TAF1: variants seen among roughly 807,000 people sequenced by gnomAD.
TAF1 encodes TATA-box binding protein associated factor 1.
In TAF1, 2 loss-of-function variants were observed where a neutral mutation model predicts 138.5. The ratio of observed to expected loss-of-function variants is 0.01; its 90% confidence interval spans 0.01 to 0.05. The LOEUF (loss-of-function observed/expected upper bound fraction) is 0.05. Among genes scored for constraint, TAF1 ranks in the 10% least tolerant of loss-of-function variants. The pLI is 1.00. For synonymous variants in TAF1, 437 were observed against 503.2 expected, an observed-to-expected ratio of 0.87 and a Z score of 1.76; for missense variants, 709 against 1,478.0, an observed-to-expected ratio of 0.48 and a Z score of 8.53.
At chrX:71,504,346 T>C (rs1174959678) in intron 13 of TAF1, among the ~76,000 whole-genome samples, 3 of 110,392 alleles carry the variant, frequency 2.7e-5, no homozygotes, top group African/African-American at 9.9e-5. Context: ...ATTTCATTGA[T>C]AAGACAAGCA....
At chrX:71,396,148 CAA>C (rs1224922684) in intron 22 of TAF1, among the ~76,000 whole-genome samples, 2 of 78,189 alleles carry the variant, frequency 2.6e-5, no homozygotes. Context: ...AACTCCGTCT[CAA>C]AAAAAAAAAA....
chrX:71,436,721 T>G (rs948032496), intron 32 of TAF1, among the ~76,000 whole-genome samples: 2 of 111,855 alleles, frequency 1.8e-5, no homozygotes, highest in Non-Finnish European at 3.8e-5. Context: ...TTCTGCTTCA[T>G]TGATCTATTT....
rs191976638 is a variant in TAF1 at position 71,501,342 on chromosome X, C to T, written c.1367-27200C>T. 3.0e-3 allele frequency among the ~76,000 whole-genome samples: 330 copies of T among 109,570 alleles called. 2 individuals are homozygous for T. The highest frequency in any genetic ancestry group is 4.9e-3 in the Non-Finnish European group (257 of 52,620). On this transcript the variant is annotated intron_variant and NMD_transcript_variant, in intron 13 of 14. Coordinates refer to the TAF1 transcript ENST00000373775. ...AATATGTCTTTCTGATTGCTGAGCC[C>T]GGGTGCCTAAAGAAGGGAACAGAGT...
chrX:71,503,006 C>T (rs370597436), intron 13 of TAF1, among the ~76,000 whole-genome samples: 1 of 107,185 alleles, frequency 9.3e-6, no homozygotes, highest in Non-Finnish European at 1.9e-5. Flanking sequence ...GGCGCTGTGA[C>T]ACACCTGTAA....
At chrX:71,469,152 A>C (rs2147480001), downstream of TAF1, among the ~76,000 whole-genome samples, 1 of 111,516 alleles carries the variant, frequency 9.0e-6, no homozygotes, top group East Asian at 2.8e-4. Flanking sequence ...AAATAAAAAA[A>C]CAATTAGCTG....
intron 3 of TAF1, among the ~76,000 whole-genome samples, chrX:71,370,995 G>A (rs970254331): frequency 1.8e-5 from 2 of 111,636 alleles, no homozygotes; most frequent in African/African-American, 6.5e-5. Context: ...AGTTTTGATG[G>A]GCTGCAAGAA....
At chrX:71,527,127 T>C in intron 13 of TAF1, among the ~76,000 whole-genome samples, 1 of 109,838 alleles carries the variant, frequency 9.1e-6, no homozygotes, top group South Asian at 3.9e-4. Context: ...GGCTCACACC[T>C]GTAATCCCAG....
intron 13 of TAF1, among the ~76,000 whole-genome samples, chrX:71,513,261 G>A (rs921216473): frequency 1.8e-5 from 2 of 111,670 alleles, no homozygotes; most frequent in Admixed American, 1.9e-4. Flanking sequence ...AATTCATGGA[G>A]CAGTCTGCTG....
At position 71,499,427 on chromosome X, in the gene TAF1, C is replaced by T. The variant is rs1464634323; in HGVS notation, c.1367-29115C>T. ...TTTTGGAGCTTTCTCCTGATATCTGCAGCTGATTGGGTAATAAACTTATCT... is the reference window on the plus strand; with the variant it reads ...TTTTGGAGCTTTCTCCTGATATCTGTAGCTGATTGGGTAATAAACTTATCT... On this transcript the variant is annotated intron_variant and NMD_transcript_variant, in intron 13 of 14. Transcript: ENST00000373775. Among the ~76,000 whole-genome samples, 3 of 112,393 alleles carry T rather than the reference C, an allele frequency of 2.7e-5. No homozygotes were observed. The South Asian group carries it at 1.1e-3, about 41-fold the overall frequency.
chrX:71,464,069 T>A lies in TAF1; in HGVS notation c.*23T>A. 1.7e-6 allele frequency: 2 copies of A among 1,162,348 alleles called. No homozygotes were observed. Among genetic ancestry groups the A allele is most frequent in the Non-Finnish European group, 2.3e-6 (2 of 865,689 alleles). On this transcript the variant is annotated 3_prime_UTR_variant, in exon 38 of 38. Transcript: ENST00000423759. Reference sequence around the variant, plus strand: ...TGAGGCTTCCTTTGGGCCTCCTTGGTCAGCCTTCCCTGTTCTCCAGCCTAG... The same window carrying A: ...TGAGGCTTCCTTTGGGCCTCCTTGGACAGCCTTCCCTGTTCTCCAGCCTAG...
intron 30 of TAF1, 143 bp downstream of exon 30, chrX:71,423,382 T>C: frequency 1.1e-6 from 1 of 901,825 alleles, no homozygotes; most frequent in African/African-American, 2.0e-5. Flanking sequence ...AATATTGACC[T>C]TTTTGCTATA....
rs2033906193 is a variant in TAF1, at chrX:71,381,780, C to T, written c.1398C>T (p.Tyr466=). The part of the protein sequence containing the change: ...AATLDDDKPW[Y]SIFPIDNEDL... Reference sequence around the variant, plus strand: ...CTCTTGATGATGACAAACCTTGGTACTCCATTTTTCCCATTGACAATGAGG... The same window carrying T: ...CTCTTGATGATGACAAACCTTGGTATTCCATTTTTCCCATTGACAATGAGG... The change falls in exon 9 of 38, where the codon TAC becomes TAT. Residue 466 remains tyrosine, a synonymous_variant. Transcript: ENST00000423759. 8.3e-7 allele frequency: 1 copy of T among 1,210,352 alleles called. No individual in the cohort carries two copies. Among genetic ancestry groups the T allele is most frequent in the South Asian group, 1.8e-5 (1 of 56,815 alleles).
rs184044593 is a variant in TAF1 at position 71,447,976 on chromosome X, A to G, written c.4754-6194A>G. Among the ~76,000 whole-genome samples the G allele has an allele frequency of 2.0e-4, 22 of 112,075 alleles. 1 individual carries two copies. Among genetic ancestry groups the G allele is most frequent in the Admixed American group, 1.9e-3 (20 of 10,531 alleles). On this transcript the variant is annotated intron_variant, in intron 32 of 37. Transcript: ENST00000423759. Reference sequence around the variant, plus strand: ...ATAAATAACGTTTCTCCAACGTGACATGTAGAGTTGCTTCAGCCATGATTT... The same window carrying G: ...ATAAATAACGTTTCTCCAACGTGACGTGTAGAGTTGCTTCAGCCATGATTT...
intron 13 of TAF1, among the ~76,000 whole-genome samples, chrX:71,525,572 A>G (rs758444397): frequency 8.9e-6 from 1 of 112,413 alleles, no homozygotes; most frequent in Admixed American, 9.5e-5. Flanking sequence ...ACCACCTCCA[A>G]TTACTACTGA....
At chrX:71,500,043 C>T (rs754048961) in intron 13 of TAF1, among the ~76,000 whole-genome samples, 12 of 110,378 alleles carry the variant, frequency 1.1e-4, no homozygotes, top group East Asian at 2.9e-4. Context: ...ACCGATAGCC[C>T]GGGGGTTTTT....
rs1167670247 is a variant in TAF1 at position 71,483,740 on chromosome X, ATCTCTC to A, written c.1366+22973_1366+22978del. On this transcript the variant is annotated intron_variant and NMD_transcript_variant, in intron 13 of 14. Coordinates refer to the TAF1 transcript ENST00000373775. ...TTTTTACACATAATATATTGTGAAC[ATCTCTC>A]TCTCTCTCTCTCTCTCTCTCTCTCT... 3.4e-3 allele frequency among the ~76,000 whole-genome samples: 215 copies of A among 62,360 alleles called. 2 individuals carry two copies. The highest frequency in any genetic ancestry group is 0.012 in the African/African-American group (162 of 13,345). The allele number at this position is 62,360 out of a possible 115,157, so 54.2% of individuals were successfully genotyped here. A position where few individuals can be genotyped will look rare whatever the true frequency, so the allele number is the denominator to read the frequency against.
chrX:71,432,800 T>C (rs1438141696), intron 32 of TAF1, among the ~76,000 whole-genome samples: 1 of 112,226 alleles, frequency 8.9e-6, no homozygotes, highest in Non-Finnish European at 1.9e-5. Flanking sequence ...TGAAATTTCT[T>C]TGGCAATTTG....
At position 71,387,352 on chromosome X, in the gene TAF1, A is replaced by G. The variant is rs781307488; in HGVS notation, c.2318A>G (p.Tyr773Cys). The change falls in exon 15 of 38, where the codon TAT (tyrosine) becomes TGT (cysteine). Residue 773 changes from tyrosine to cysteine, a missense_variant. Physicochemically the swap from Tyr to Cys is radical, Grantham distance 194. This residue lies in a region of TAF1 where 201 missense variants were observed against 421.3 expected (regional missense o/e 0.48). Transcript: ENST00000423759. ...ATCATTCGGACAAGACAGGGTTACT[A>G]TATTCGGGAATTAGTGGATATTTTT... ...FLIIRTRQGYYIRELVDIFVV... is the reference protein window; with the variant it reads ...FLIIRTRQGYCIRELVDIFVV... 11 of 1,210,463 alleles carry G rather than the reference A, an allele frequency of 9.1e-6. No homozygotes were observed. Among genetic ancestry groups the G allele is most frequent in the African/African-American group, 5.2e-5 (3 of 57,284 alleles).
chrX:71,418,167 C>A (rs1467869869), intron 28 of TAF1, among the ~76,000 whole-genome samples: 1 of 112,280 alleles, frequency 8.9e-6, no homozygotes, highest in Non-Finnish European at 1.9e-5. Flanking sequence ...AATCTTGGCT[C>A]ACTGCAGCCT....
Sources: allele counts gnomAD v4.1 joint callset (sites outside exome capture counted in the v4.1 genomes callset), GRCh38; gene constraint gnomAD v4.1.1; regional missense constraint gnomAD v4.1.1; transcripts MANE v1.5; gene names NCBI Gene and HGNC (gene_info 2026-07-23, HGNC 2026-07-21).